Variants in TDRD9 observed in about 807,000 individuals in gnomAD.
TDRD9 encodes the protein tudor domain containing 9.
TDRD9 carries 124 observed loss-of-function variants against 172.6 expected under a neutral mutation model. The observed-to-expected ratio is 0.72, with a 90% confidence interval of 0.62 to 0.83. The LOEUF (loss-of-function observed/expected upper bound fraction) is 0.83. Ranked by LOEUF, TDRD9 falls within the 40% of genes least tolerant of loss-of-function variation. The pLI, the probability that TDRD9 is intolerant of heterozygous loss-of-function variation, is 0.00. For synonymous variants in TDRD9, 619 were observed against 617.1 expected, an observed-to-expected ratio of 1.00 and a Z score of -0.05; for missense variants, 1,479 against 1,714.1, an observed-to-expected ratio of 0.86 and a Z score of 2.42.
At chr14:104,030,564 A>G (rs1442143452) in intron 28 of TDRD9, among the ~76,000 whole-genome samples, 1 of 152,262 alleles carries the variant, frequency 6.6e-6, no homozygotes, top group African/African-American at 2.4e-5. Context: ...TCTAATGGGT[A>G]AAATGTTGCA....
At chr14:104,029,594 A>G (rs1032477293) in intron 28 of TDRD9, among the ~76,000 whole-genome samples, 3 of 152,128 alleles carry the variant, frequency 2.0e-5, no homozygotes, top group Non-Finnish European at 2.9e-5. Flanking sequence ...AGGTTTTTCT[A>G]TATATAAGAT....
At chr14:104,047,804 C>T in intron 34 of TDRD9, among the ~76,000 whole-genome samples, 1 of 152,164 alleles carries the variant, frequency 6.6e-6, no homozygotes, top group Non-Finnish European at 1.5e-5. Flanking sequence ...GGATGCGGTA[C>T]AGAGAATTTT....
chr14:103,976,891 C>G (rs188591582), intron 7 of TDRD9, among the ~76,000 whole-genome samples: 223 of 152,134 alleles, frequency 1.5e-3, no homozygotes, highest in Non-Finnish European at 2.7e-3. Flanking sequence ...GGGTTTTGCT[C>G]TGTCACCCAG....
intron 7 of TDRD9, among the ~76,000 whole-genome samples, chr14:103,977,220 G>A (rs533334097): frequency 2.0e-5 from 3 of 152,026 alleles, no homozygotes; most frequent in African/African-American, 4.8e-5. Context: ...GGCCTGGCGC[G>A]GTGGCTTATG....
chr14:103,964,797 G>A (rs1284526306), intron 3 of TDRD9, among the ~76,000 whole-genome samples: 1 of 152,146 alleles, frequency 6.6e-6, no homozygotes, highest in East Asian at 1.9e-4. Flanking sequence ...TGCTGGGATT[G>A]CAGATGTGAG....
At chr14:104,030,722 G>A (rs1474138575) in intron 28 of TDRD9, among the ~76,000 whole-genome samples, 2 of 151,834 alleles carry the variant, frequency 1.3e-5, no homozygotes, top group Non-Finnish European at 2.9e-5. Context: ...GTAAACTATC[G>A]CAAGGACAAA....
intron 18 of TDRD9, 127 bp downstream of exon 18, chr14:104,006,972 G>A: frequency 2.0e-6 from 2 of 988,934 alleles, no homozygotes; most frequent in Non-Finnish European, 3.1e-6. Context: ...AGGGTTATTG[G>A]TGTCCAGTGT....
chr14:103,974,811 T>A (rs2033169706), intron 6 of TDRD9, among the ~76,000 whole-genome samples: 1 of 152,070 alleles, frequency 6.6e-6, no homozygotes, highest in Non-Finnish European at 1.5e-5. Context: ...CAGCTATTTT[T>A]AAATTTTTTG....
intron 1 of TDRD9, chr14:103,928,953 T>A (rs1270612934): frequency 4.0e-5 from 9 of 226,462 alleles, no homozygotes; most frequent in Middle Eastern, 1.4e-3. Flanking sequence ...TTTCAGTTCT[T>A]AATGTTTAAC....
Position 103,952,132 on chromosome 14 carries a change from G to GTA in TDRD9, c.216-3520_216-3519dup, listed in dbSNP as rs10567333. On this transcript the variant is annotated intron_variant, in intron 1 of 35. Transcript: ENST00000409874. ...CAAGTTTTATGTTATATATATACACGTATATATATATATGTATATACGTGT... is the reference window on the plus strand; with the variant it reads ...CAAGTTTTATGTTATATATATACACGTATATATATATATATGTATATACGTGT... Among the ~76,000 whole-genome samples the GTA allele has an allele frequency of 6.1e-4, 78 of 127,730 alleles. 1 individual carries two copies. The highest frequency in any genetic ancestry group is 3.2e-3 in the Admixed American group (37 of 11,596). 83.8% of individuals were successfully genotyped at this position (127,730 alleles called of 152,430 possible). A position where few individuals can be genotyped will look rare whatever the true frequency, so the allele number is the denominator to read the frequency against.
chr14:103,986,406 A>G, intron 8 of TDRD9, 86 bp downstream of exon 8: 1 of 970,344 alleles, frequency 1.0e-6, no homozygotes, highest in East Asian at 2.7e-5. Flanking sequence ...GTGTTTTTAT[A>G]AGAAGGTATA....
At position 104,040,310 on chromosome 14, in the gene TDRD9, A is replaced by G. The variant is rs566639192; in HGVS notation, c.3831A>G (p.Gln1277=). The change falls in exon 33 of 36, where the codon CAA becomes CAG. Residue 1277 remains glutamine (Q), a synonymous_variant. Coordinates refer to ENST00000409874, the MANE Select transcript of TDRD9 (RefSeq NM_153046.3). ...EHDMELAFDV[Q]FSVEDVVEVN... ...ACATGGAGCTTGCGTTTGACGTTCA[A>G]TTCAGCGTGGAGGATGTCGTCGAGG... is the stretch of plus-strand genomic sequence containing the variant. The G allele has an allele frequency of 1.2e-3, 1,907 of 1,551,170 alleles. 26 individuals carry two copies. The South Asian group carries it at 0.019, about 16-fold the overall frequency.
At chr14:103,967,416 T>C (rs1045982340) in intron 5 of TDRD9, among the ~76,000 whole-genome samples, 9 of 148,376 alleles carry the variant, frequency 6.1e-5, no homozygotes, top group African/African-American at 2.0e-4. Context: ...TCCCAGCTAC[T>C]TGAGAGGCTG....
At chr14:103,955,863 T>C (rs1333917442) in intron 2 of TDRD9, 93 bp downstream of exon 2, 6 of 1,076,386 alleles carry the variant, frequency 5.6e-6, no homozygotes, top group Non-Finnish European at 8.1e-6. Flanking sequence ...TAATTCCAGC[T>C]ACTCAGGAGG....
At chr14:103,938,436 ATATATTT>A (rs2030944983) in intron 1 of TDRD9, among the ~76,000 whole-genome samples, 1 of 40,588 alleles carries the variant, frequency 2.5e-5, no homozygotes, top group African/African-American at 9.7e-5. Flanking sequence ...ATATATATAT[ATATATTT>A]TTTTTTTTTT....
intron 1 of TDRD9, among the ~76,000 whole-genome samples, chr14:103,933,965 A>G (rs2030575448): frequency 6.6e-6 from 1 of 151,974 alleles, no homozygotes; most frequent in Non-Finnish European, 1.5e-5. Flanking sequence ...CAGGCCTCAC[A>G]TAGATGTTAG....
intron 34 of TDRD9, among the ~76,000 whole-genome samples, chr14:104,044,668 C>G (rs911101354): frequency 2.0e-5 from 3 of 152,176 alleles, no homozygotes; most frequent in African/African-American, 7.2e-5. Context: ...TGTTATGCCA[C>G]TTTTTTAATC....
In TDRD9 at chr14:103,998,652, G is replaced by C. The variant is rs765986919; in HGVS notation, c.1407G>C (p.Leu469Phe). Residue 469 changes from leucine to phenylalanine, a missense_variant, in exon 13 of 36, where the codon TTG (leucine) becomes TTC (phenylalanine). Physicochemically the swap from Leu to Phe is conservative, Grantham distance 22. Transcript: ENST00000409874. ...TAGATTTTTGTTTGACTAGAACTTT[G>C]GTCTGTGATGAAGATACAAATTATC... is the stretch of plus-strand genomic sequence containing the variant. ...YVIDFCLTRT[L>F]VCDEDTNYQS... 2 of 1,609,770 alleles carry C rather than the reference G, an allele frequency of 1.2e-6. No individual in the cohort carries two copies. The highest frequency in any genetic ancestry group is 1.7e-6 in the Non-Finnish European group (2 of 1,176,242).
chr14:103,999,644 A>ATTTAATCTTTT lies in TDRD9; in HGVS notation c.1483+916_1483+917insTTTAATCTTTT, dbSNP rs1566771663. On this transcript the variant is annotated intron_variant, in intron 13 of 35. Coordinates refer to ENST00000409874, the MANE Select transcript of TDRD9 (RefSeq NM_153046.3). ...CTTTTTTTTTTGTTTGTTTTTTAGA[A>ATTTAATCTTTT]AACCTTTTGGGAAGGGTAGATAAAA... Among the ~76,000 whole-genome samples the ATTTAATCTTTT allele has an allele frequency of 1.5e-4, 17 of 116,632 alleles. 1 individual carries two copies. Among genetic ancestry groups the ATTTAATCTTTT allele is most frequent in the South Asian group, 2.5e-4 (1 of 3,924 alleles). The allele number at this position is 116,632 out of a possible 152,430, so 76.5% of individuals were successfully genotyped here. A position where few individuals can be genotyped will look rare whatever the true frequency, so the allele number is the denominator to read the frequency against.
Sources: gnomAD v4.1 joint callset for allele counts (sites outside exome capture counted in the v4.1 genomes callset) on GRCh38, gnomAD v4.1.1 for gene constraint, MANE v1.5 for transcripts, NCBI Gene and HGNC (gene_info 2026-07-23, HGNC 2026-07-21) for gene names.